The following SSH2 variants were observed in gnomAD, a reference collection of about 807,000 sequenced individuals.
SSH2 encodes the protein protein phosphatase Slingshot homolog 2.
Under a neutral mutation model 135.2 loss-of-function variants are expected in SSH2, and 37 were observed. The ratio of observed to expected loss-of-function variants is 0.27; its 90% confidence interval spans 0.21 to 0.36. The LOEUF is 0.36. Among genes scored for constraint, SSH2 ranks in the 10% least tolerant of loss-of-function variants. SSH2 has a pLI of 1.00. For synonymous variants in SSH2, 628 were observed against 646.2 expected (o/e 0.97, Z 0.43); for missense variants, 1,408 against 1,765.3 (o/e 0.80, Z 3.63).
chr17:29,867,681 T>C (rs1346914374), intron 1 of SSH2, among the ~76,000 whole-genome samples: 2 of 152,174 alleles, frequency 1.3e-5, no homozygotes, highest in African/African-American at 4.8e-5. Flanking sequence ...TGTCTGGGGA[T>C]GTATGCCAGG....
At chr17:29,905,606 T>C (rs1200024352) in intron 1 of SSH2, among the ~76,000 whole-genome samples, 17 of 152,168 alleles carry the variant, frequency 1.1e-4, no homozygotes, top group Non-Finnish European at 1.5e-5. Context: ...TGCTCAGATC[T>C]TGGAGCAAAG....
chr17:29,633,266 A>G (rs184689440), intron 15 of SSH2, among the ~76,000 whole-genome samples: 2 of 152,212 alleles, frequency 1.3e-5, no homozygotes, highest in Admixed American at 1.3e-4. Context: ...TTTTCCTAAG[A>G]CTATGAGCCT....
intron 1 of SSH2, among the ~76,000 whole-genome samples, chr17:29,871,179 A>G (rs1382358536): frequency 6.6e-6 from 1 of 152,050 alleles, no homozygotes; most frequent in Admixed American, 6.5e-5. Flanking sequence ...GGGAGGCTGC[A>G]ATTGTTTTTT....
chr17:29,805,869 A>G (rs994579080), intron 2 of SSH2, among the ~76,000 whole-genome samples: 4 of 151,884 alleles, frequency 2.6e-5, no homozygotes, highest in Admixed American at 6.6e-5. Flanking sequence ...CTATCAAAAA[A>G]AAAAAAAATT....
intron 2 of SSH2, among the ~76,000 whole-genome samples, chr17:29,831,739 G>GTT (rs35415547): frequency 8.4e-4 from 124 of 147,588 alleles, no homozygotes; most frequent in Middle Eastern, 3.6e-3. Context: ...GCCCAGCTAA[G>GTT]TTTTTTTTTT....
chr17:29,875,143 T>C (rs142242125), intron 1 of SSH2, among the ~76,000 whole-genome samples: 107 of 152,328 alleles, frequency 7.0e-4, no homozygotes, highest in African/African-American at 2.5e-3. Context: ...TTCAACTATG[T>C]GTCATCTCCA....
At chr17:29,716,558 CCCTTGATGTCTACATTATCA>C (rs2039631081) in intron 3 of SSH2, 1 of 719,672 alleles carries the variant, frequency 1.4e-6, no homozygotes, top group Non-Finnish European at 2.5e-6. Flanking sequence ...AGTACCCATT[CCCTTGATGTCTACATTATCA>C]CCTTTCTTAT....
intron 3 of SSH2, among the ~76,000 whole-genome samples, chr17:29,761,739 A>G (rs1337427712): frequency 1.3e-5 from 2 of 152,162 alleles, no homozygotes; most frequent in Admixed American, 1.3e-4. Context: ...CCCGTTTTTG[A>G]AAGATCTTAA....
At chr17:29,877,274 G>A (rs995415955) in intron 1 of SSH2, among the ~76,000 whole-genome samples, 10 of 152,152 alleles carry the variant, frequency 6.6e-5, no homozygotes, top group Non-Finnish European at 1.3e-4. Flanking sequence ...ACTGTTGATC[G>A]GAATGTAAAT....
At chr17:29,897,285 TA>T in intron 1 of SSH2, among the ~76,000 whole-genome samples, 1 of 152,124 alleles carries the variant, frequency 6.6e-6, no homozygotes, top group Non-Finnish European at 1.5e-5. Flanking sequence ...ATAACAACAT[TA>T]ACCTTAAACG....
intron 3 of SSH2, chr17:29,761,160 T>C (rs1470698620): frequency 7.8e-6 from 10 of 1,289,342 alleles, no homozygotes; most frequent in Middle Eastern, 2.1e-4. Context: ...AGCTGGTTGA[T>C]GGCGTTCTGC....
intron 1 of SSH2, among the ~76,000 whole-genome samples, chr17:29,924,193 G>C (rs1860591367): frequency 1.3e-5 from 2 of 151,842 alleles, no homozygotes; most frequent in Non-Finnish European, 2.9e-5. Flanking sequence ...CTCTGTCACT[G>C]GTGCCTAAAT....
chr17:29,712,885 A>G (rs1173385073), intron 3 of SSH2, among the ~76,000 whole-genome samples: 1 of 152,236 alleles, frequency 6.6e-6, no homozygotes, highest in East Asian at 1.9e-4. Flanking sequence ...TTACTGATTT[A>G]CCCTAAAATC....
intron 3 of SSH2, among the ~76,000 whole-genome samples, chr17:29,753,151 G>A (rs936904582): frequency 1.3e-5 from 2 of 152,054 alleles, no homozygotes; most frequent in Admixed American, 6.6e-5. Flanking sequence ...AATTTTTTGA[G>A]ACGGAGTCTT....
chr17:29,789,833 A>G (rs576678244), intron 3 of SSH2, among the ~76,000 whole-genome samples: 2 of 152,194 alleles, frequency 1.3e-5, no homozygotes, highest in Non-Finnish European at 2.9e-5. Context: ...TAAGTTTTAA[A>G]CTTATTTGGG....
rs1352890093 is a variant in SSH2, at chr17:29,759,940, G to A, written c.188+33954C>T. ...ACTTCTTCACTCTATGACCGTTCCC[G>A]TTTTTAGACGGAAAATGCAAGTCAG... On this transcript the variant is annotated intron_variant, in intron 3 of 15. Transcript: ENST00000540801. Among the ~76,000 whole-genome samples the A allele has an allele frequency of 2.0e-5, 3 of 152,196 alleles. No individual in the cohort carries two copies. The East Asian group carries it at 5.8e-4, about 29-fold the overall frequency.
At chr17:29,823,878 C>A (rs1412020104) in intron 2 of SSH2, among the ~76,000 whole-genome samples, 588 of 84,470 alleles carry the variant, frequency 7.0e-3, no homozygotes, top group South Asian at 0.012. Context: ...GACTCTGTCT[C>A]AAAAAAAAAA....
intron 2 of SSH2, among the ~76,000 whole-genome samples, chr17:29,806,185 T>C (rs899099640): frequency 6.6e-6 from 1 of 152,230 alleles, no homozygotes; most frequent in Non-Finnish European, 1.5e-5. Context: ...TTCTCTTGTT[T>C]GCCAGAACCA....
rs551834822 is a variant in SSH2 at position 29,783,782 on chromosome 17, G to C, written c.188+10112C>G. Among the ~76,000 whole-genome samples, 51 of 152,182 alleles carry C rather than the reference G, an allele frequency of 3.4e-4. 1 individual carries two copies. Among genetic ancestry groups the C allele is most frequent in the African/African-American group, 1.1e-3 (45 of 41,524 alleles). On this transcript the variant is annotated intron_variant, in intron 3 of 15. Coordinates refer to ENST00000540801, the MANE Select transcript of SSH2 (RefSeq NM_001282129.2). ...TGATGTTACCTTTAAGAGTAATTGGGGGGGCCGGGCGCGGTGGCTCACGCC... is the reference window on the plus strand; with the variant it reads ...TGATGTTACCTTTAAGAGTAATTGGCGGGGCCGGGCGCGGTGGCTCACGCC...
Sources: allele counts gnomAD v4.1 joint callset (sites outside exome capture counted in the v4.1 genomes callset), GRCh38; gene constraint gnomAD v4.1.1; transcripts MANE v1.5; gene names NCBI Gene and HGNC (gene_info 2026-07-23, HGNC 2026-07-21).